The following PFAS variants were observed in gnomAD, a reference collection of about 807,000 sequenced individuals.
PFAS encodes FGAM synthase.
PFAS carries 97 observed loss-of-function variants against 140.6 expected under a neutral mutation model. The observed-to-expected ratio is 0.69, with a 90% CI of 0.59 to 0.82. The LOEUF is 0.82. Among genes scored for constraint, PFAS ranks in the 40% least tolerant of loss-of-function variants. The probability of loss-of-function intolerance (pLI) is 0.00; values close to 1 mark genes in which losing one functional copy is unlikely to be tolerated. For synonymous variants in PFAS, 679 were observed against 718.8 expected (o/e 0.94, Z 0.88); for missense variants, 1,656 against 1,780.2 (o/e 0.93, Z 1.26).
chr17:8,257,664 C>T, intron 9 of PFAS, 143 bp from the exon 10 acceptor site: 1 of 832,882 alleles, frequency 1.2e-6, no homozygotes, highest in Non-Finnish European at 2.0e-6. Flanking sequence ...CTAGGGCTTC[C>T]TAAAGCAGGA....
rs751317854 is a variant in PFAS, at chr17:8,263,789, C to T, written c.1644C>T (p.Thr548=). Residue 548 remains threonine (T), a synonymous_variant, in exon 15 of 28, where the codon ACC becomes ACT. Coordinates refer to ENST00000314666, the MANE Select transcript of PFAS (RefSeq NM_012393.3). The part of the protein sequence containing the change: ...YTSRFQLGDP[T]LNALEIWGAE... ...TGGCTGTGCAGCTTGGGGACCCAAC[C>T]CTGAATGCCCTGGAAATCTGGGGGG... 8 of 1,613,922 alleles carry T rather than the reference C, an allele frequency of 5.0e-6. No homozygotes were observed. The highest frequency in any genetic ancestry group is 6.8e-6 in the Non-Finnish European group (8 of 1,179,868).
chr17:8,266,947 G>A lies in PFAS; in HGVS notation c.2967+49G>A, dbSNP rs1989840011. 3 of 1,598,720 alleles carry A rather than the reference G, an allele frequency of 1.9e-6. No homozygotes were observed. Among genetic ancestry groups the A allele is most frequent in the Non-Finnish European group, 2.6e-6 (3 of 1,174,702 alleles). On this transcript the variant is annotated intron_variant, in intron 23 of 27. Transcript: ENST00000314666. The surrounding 1 kb of genome is among the most constrained non-coding windows in gnomAD (Gnocchi z 5.0). Reference sequence around the variant, plus strand: ...GTGTGCAGTGGGCAGTCAGAGTGGGGTGGCCGCGGTCCATCCCTCTCCCAC... The same window carrying A: ...GTGTGCAGTGGGCAGTCAGAGTGGGATGGCCGCGGTCCATCCCTCTCCCAC...
intron 26 of PFAS, 113 bp from the exon 27 acceptor site, chr17:8,268,420 G>T: frequency 1.4e-6 from 1 of 704,294 alleles, no homozygotes. Flanking sequence ...GAGGGAGGGA[G>T]GGAAAAGGAA....
chr17:8,252,279 G>A (rs1989185725), intron 1 of PFAS, among the ~76,000 whole-genome samples: 1 of 151,400 alleles, frequency 6.6e-6, no homozygotes, highest in South Asian at 2.1e-4. Flanking sequence ...GGGTGACAGA[G>A]TGAATCCATC....
Position 8,265,582 on chromosome 17 carries a change from G to C in PFAS, c.2488G>C (p.Val830Leu). 2 of 1,614,088 alleles carry C rather than the reference G, an allele frequency of 1.2e-6. No individual in the cohort carries two copies. ...PGSLVISAYA[V>L]CPDITATVTP... ...GTCACTGGTCATCTCAGCCTATGCC[G>C]TCTGCCCAGACATCACAGCCACTGT... Residue 830 changes from valine to leucine, a missense_variant, in exon 20 of 28, where the codon GTC (valine) becomes CTC (leucine). Physicochemically the swap from Val to Leu is conservative, Grantham distance 32. Around this residue, in one of 2 missense-constraint regions of PFAS, gnomAD observed 883 missense variants for 1,023.0 expected, o/e 0.86. Coordinates refer to ENST00000314666, the MANE Select transcript of PFAS (RefSeq NM_012393.3).
chr17:8,255,173 A>G, intron 4 of PFAS, 41 bp downstream of exon 4: 11 of 1,392,704 alleles, frequency 7.9e-6, no homozygotes, highest in Non-Finnish European at 1.1e-5. Context: ...TGAGCCAGAG[A>G]TACAAGATTA....
Position 8,268,646 on chromosome 17 carries a change from C to T in PFAS, c.3496C>T (p.Leu1166=). Residue 1166 remains leucine, a synonymous_variant, in exon 27 of 28, where the codon CTG becomes TTG. Transcript: ENST00000314666. ...GTGTAATGGCTGTCAACTGCTGGCTCTGCTCGGCTGGGTGGGAGGCGACCC... is the reference window on the plus strand; with the variant it reads ...GTGTAATGGCTGTCAACTGCTGGCTTTGCTCGGCTGGGTGGGAGGCGACCC... ...GVCNGCQLLA[L]LGWVGGDPNE... is the part of the protein sequence containing the mutation. 1 of 1,613,822 alleles carries T rather than the reference C, an allele frequency of 6.2e-7. No individual in the cohort carries two copies. The highest frequency in any genetic ancestry group is 8.5e-7 in the Non-Finnish European group (1 of 1,180,018).
rs149854273 is a variant in PFAS, at chr17:8,265,060, G to A, written c.2215G>A (p.Ala739Thr). 56 of 1,613,428 alleles carry A rather than the reference G, an allele frequency of 3.5e-5. No individual in the cohort carries two copies. Among genetic ancestry groups the A allele is most frequent in the East Asian group, 4.5e-5 (2 of 44,894 alleles). ...CAAGAGCCTGCTGGACCCAAAAGTCGCCGCCCGGCTGGCCGTGGCCGAAGC... is the reference window on the plus strand; with the variant it reads ...CAAGAGCCTGCTGGACCCAAAAGTCACCGCCCGGCTGGCCGTGGCCGAAGC... ...PVKSLLDPKVAARLAVAEALT... is the reference protein window; with the variant it reads ...PVKSLLDPKVTARLAVAEALT... The change falls in exon 18 of 28, where the codon GCC (alanine) becomes ACC (threonine). Residue 739 changes from alanine to threonine, a missense_variant. Around this residue, in one of 2 missense-constraint regions of PFAS, gnomAD observed 883 missense variants for 1,023.0 expected, o/e 0.86. Transcript: ENST00000314666.
intron 10 of PFAS, 57 bp from the exon 11 acceptor site, chr17:8,258,014 T>C: frequency 1.9e-6 from 3 of 1,612,840 alleles, no homozygotes; most frequent in Non-Finnish European, 8.5e-7. Flanking sequence ...GGGGCTGTGC[T>C]ATTGGGCGAG....
At position 8,255,633 on chromosome 17, in the gene PFAS, C is replaced by T. The variant is rs759667603; in HGVS notation, c.516C>T (p.Gly172=). 4 of 1,582,192 alleles carry T rather than the reference C, an allele frequency of 2.5e-6. No individual in the cohort carries two copies. Among genetic ancestry groups the T allele is most frequent in the Non-Finnish European group, 3.4e-6 (4 of 1,166,914 alleles). The change falls in exon 5 of 28, where the codon GGC becomes GGT. Residue 172 remains glycine (G), a synonymous_variant. Transcript: ENST00000314666. Reference sequence around the variant, plus strand: ...AGAGCATGCCGGAACCCCTCAATGGCCCTATCAATATACTGGGTGAGGGCC... The same window carrying T: ...AGAGCATGCCGGAACCCCTCAATGGTCCTATCAATATACTGGGTGAGGGCC... ...SPESMPEPLN[G]PINILGEGRL...
intron 1 of PFAS, among the ~76,000 whole-genome samples, chr17:8,252,496 C>T (rs1273607219): frequency 4.6e-5 from 7 of 151,332 alleles, no homozygotes; most frequent in Admixed American, 2.6e-4. Flanking sequence ...TTCCGCCTCC[C>T]GGGTTCGAGT....
Position 8,267,358 on chromosome 17 carries a change from T to A in PFAS, c.3176-14T>A. The A allele has an allele frequency of 6.2e-7, 1 of 1,612,712 alleles. No individual in the cohort carries two copies. The highest frequency in any genetic ancestry group is 8.5e-7 in the Non-Finnish European group (1 of 1,179,002). ...AGTGACTTTCTGGCCCAAAGACACT[T>A]ATTCTCCCCCAAGGTGGTCCCAGCC... On this transcript the variant is annotated splice_polypyrimidine_tract_variant and intron_variant, in intron 24 of 27. Transcript: ENST00000314666. The surrounding 1 kb of genome is among the most constrained non-coding windows in gnomAD (Gnocchi z 4.9).
intron 11 of PFAS, among the ~76,000 whole-genome samples, chr17:8,258,574 C>T (rs563957336): frequency 2.1e-4 from 32 of 152,246 alleles, no homozygotes; most frequent in Admixed American, 7.2e-4. Flanking sequence ...GGCAGGGTGG[C>T]TCGCACCTGT....
rs1255949979 is a variant in PFAS, at chr17:8,266,647, T to C, written c.2822-106T>C. The C allele has an allele frequency of 6.6e-7, 1 of 1,511,124 alleles. No homozygotes were observed. The highest frequency in any genetic ancestry group is 8.8e-7 in the Non-Finnish European group (1 of 1,136,230). 93.6% of individuals were successfully genotyped at this position (1,511,124 alleles called of 1,614,324 possible). On this transcript the variant is annotated intron_variant, in intron 22 of 27. Coordinates refer to ENST00000314666, the MANE Select transcript of PFAS (RefSeq NM_012393.3). The surrounding 1 kb of genome is among the most constrained non-coding windows in gnomAD (Gnocchi z 5.0). ...CCTGATCCCTACCCTACTCTCTGGC[T>C]GCATCCCTCTGACCCTCACCCTGGC...
intron 11 of PFAS, among the ~76,000 whole-genome samples, chr17:8,260,165 A>G (rs968947477): frequency 1.3e-5 from 2 of 149,280 alleles, no homozygotes; most frequent in Admixed American, 7.2e-5. Flanking sequence ...ATTTATTGTC[A>G]TTATGAAGTA....
intron 1 of PFAS, among the ~76,000 whole-genome samples, chr17:8,249,812 A>G (rs956194055): frequency 1.3e-5 from 2 of 152,206 alleles, no homozygotes; most frequent in African/African-American, 2.4e-5. Context: ...TCATTCCACA[A>G]GTTTTAGAAT....
chr17:8,254,123 TG>T, intron 2 of PFAS, 42 bp from the exon 3 acceptor site: 1 of 1,613,966 alleles, frequency 6.2e-7, no homozygotes, highest in Non-Finnish European at 8.5e-7. Context: ...GCCTCGGTGC[TG>T]GGGGCAGTGT....
At chr17:8,251,749 G>A (rs1468639350) in intron 1 of PFAS, among the ~76,000 whole-genome samples, 1 of 142,908 alleles carries the variant, frequency 7.0e-6, no homozygotes, top group Non-Finnish European at 1.5e-5. Flanking sequence ...TTGGCTCACT[G>A]CAACCTCTGC....
At chr17:8,248,062 AGGGGCAGGTGCTC>A, upstream of PFAS, 1 of 467,724 alleles carries the variant, frequency 2.1e-6, no homozygotes. Flanking sequence ...CGCCCCCGGG[AGGGGCAGGTGCTC>A]GCTTGGGGGT....
Sources: gnomAD v4.1 joint callset for allele counts (sites outside exome capture counted in the v4.1 genomes callset) on GRCh38, gnomAD v4.1.1 for gene constraint, gnomAD v4.1.1 regional missense constraint, Gnocchi (gnomAD v3.1) non-coding constraint, MANE v1.5 for transcripts, NCBI Gene and HGNC (gene_info 2026-07-23, HGNC 2026-07-21) for gene names.